Variants in MDGA2 observed in about 807,000 individuals in gnomAD.
MDGA2 encodes the protein MAM domain-containing glycosylphosphatidylinositol anchor protein 2.
MDGA2 carries 40 observed loss-of-function variants against 117.8 expected under a neutral mutation model. The observed-to-expected ratio is 0.34, with a 90% CI of 0.26 to 0.44. MDGA2 has a LOEUF of 0.44. Among genes scored for constraint, MDGA2 ranks in the 20% least tolerant of loss-of-function variants. The pLI is 1.00. For missense variants in MDGA2, 1,123 were observed against 1,250.6 expected (o/e 0.90, Z 1.54); for synonymous variants, 452 against 439.0 (o/e 1.03, Z -0.37).
intron 1 of MDGA2, among the ~76,000 whole-genome samples, chr14:47,363,784 G>A (rs1440005603): frequency 6.6e-6 from 1 of 151,998 alleles, no homozygotes; most frequent in Admixed American, 6.6e-5. Context: ...GGAAGGGAAG[G>A]AGAGAGAAAT....
chr14:47,256,438 G>A (rs761745414), intron 2 of MDGA2, among the ~76,000 whole-genome samples: 2 of 152,022 alleles, frequency 1.3e-5, no homozygotes, highest in African/African-American at 2.4e-5. Context: ...TCTTTCTCCT[G>A]TCTCACCCCA....
At chr14:47,410,022 T>C (rs1213284949) in intron 1 of MDGA2, among the ~76,000 whole-genome samples, 2 of 152,192 alleles carry the variant, frequency 1.3e-5, no homozygotes, top group African/African-American at 2.4e-5. Flanking sequence ...GCTATGAGAT[T>C]CATTTTTGTT....
intron 1 of MDGA2, among the ~76,000 whole-genome samples, chr14:47,450,048 T>C (rs573944409): frequency 1.4e-4 from 22 of 152,060 alleles, no homozygotes; most frequent in South Asian, 1.0e-3. Context: ...ATGTTTTCTA[T>C]ATATATATAG....
chr14:47,250,388 T>C (rs1206048937), intron 2 of MDGA2, among the ~76,000 whole-genome samples: 1 of 152,246 alleles, frequency 6.6e-6, no homozygotes, highest in Non-Finnish European at 1.5e-5. Context: ...TACTTATTTA[T>C]AATTTAATGA....
At chr14:46,918,984 A>C (rs112980776) in intron 10 of MDGA2, among the ~76,000 whole-genome samples, 35,775 of 151,770 alleles carry the variant, frequency 0.24, 5,049 homozygotes, top group Non-Finnish European at 0.31. Flanking sequence ...GGATGGTCTC[A>C]ATCTCCTGAC....
At chr14:46,895,742 A>G (rs1883051581) in intron 10 of MDGA2, among the ~76,000 whole-genome samples, 1 of 152,066 alleles carries the variant, frequency 6.6e-6, no homozygotes, top group African/African-American at 2.4e-5. Flanking sequence ...GAAAAAAAAA[A>G]AAGAATAACT....
intron 6 of MDGA2, among the ~76,000 whole-genome samples, chr14:47,095,360 G>C (rs768304876): frequency 6.6e-6 from 1 of 151,772 alleles, no homozygotes; most frequent in Non-Finnish European, 1.5e-5. Context: ...GAACAATATC[G>C]TATAGAAAAC....
At chr14:47,306,284 TTATTTTAA>T (rs1482092766) in intron 1 of MDGA2, 1 of 152,214 alleles carries the variant, frequency 6.6e-6, no homozygotes, top group Non-Finnish European at 1.5e-5. Context: ...TGACAATTTT[TTATTTTAA>T]TAGGAGATAG....
rs182648553 is a variant in MDGA2 at position 46,884,284 on chromosome 14, T to C, written c.2239-2063A>G. Among the ~76,000 whole-genome samples, 1 of 152,222 alleles carries C rather than the reference T, an allele frequency of 6.6e-6. No homozygotes were observed. The highest frequency in any genetic ancestry group is 6.6e-5 in the Admixed American group (1 of 15,252). On this transcript the variant is annotated intron_variant, in intron 10 of 16. Coordinates refer to ENST00000399232, the MANE Select transcript of MDGA2 (RefSeq NM_001113498.3). The surrounding 1 kb of genome is among the most constrained non-coding windows in gnomAD (Gnocchi z 4.1). ...GAATCAAAGTTCAAGTTTGTCTGGG[T>C]TGGCAAACAGCTGAGGGCAAAAGTA...
rs763293876 is a variant in MDGA2 at position 47,239,770 on chromosome 14, T to A, written c.421-21575A>T. 7.9e-5 allele frequency among the ~76,000 whole-genome samples: 12 copies of A among 151,946 alleles called. 1 individual carries two copies. The highest frequency in any genetic ancestry group is 1.5e-4 in the Non-Finnish European group (10 of 67,880). On this transcript the variant is annotated intron_variant, in intron 2 of 16. Coordinates refer to ENST00000399232, the MANE Select transcript of MDGA2 (RefSeq NM_001113498.3). ...TGAAAAGACACTATTTTAATAAATA[T>A]TTGATTGAATAAAAGTTATTTTCCT... is the stretch of plus-strand genomic sequence containing the variant.
chr14:47,343,535 A>C (rs1291945571), intron 1 of MDGA2, among the ~76,000 whole-genome samples: 1 of 151,976 alleles, frequency 6.6e-6, no homozygotes, highest in Non-Finnish European at 1.5e-5. Context: ...TTTTAGCTTT[A>C]TCTTCAGTTG....
chr14:46,930,891 A>C (rs1884544287), intron 9 of MDGA2, among the ~76,000 whole-genome samples: 1 of 152,068 alleles, frequency 6.6e-6, no homozygotes. Context: ...AAAGGAAATC[A>C]ATTGTACTTA....
chr14:47,159,272 G>A (rs1284214841), intron 3 of MDGA2, among the ~76,000 whole-genome samples: 1 of 152,150 alleles, frequency 6.6e-6, no homozygotes, highest in Non-Finnish European at 1.5e-5. Context: ...GGGAGGGGTT[G>A]TGCATGCATG....
At chr14:47,067,380 T>A (rs552106817) in intron 6 of MDGA2, among the ~76,000 whole-genome samples, 16 of 152,270 alleles carry the variant, frequency 1.1e-4, no homozygotes, top group Admixed American at 1.0e-3. Flanking sequence ...TAAAATTAGA[T>A]TCCATTCTTA....
At chr14:47,049,712 T>C (rs533354205) in intron 7 of MDGA2, among the ~76,000 whole-genome samples, 1 of 152,148 alleles carries the variant, frequency 6.6e-6, no homozygotes, top group South Asian at 2.1e-4. Context: ...GAGGGCTGAC[T>C]GTATTTCCTT....
intron 1 of MDGA2, among the ~76,000 whole-genome samples, chr14:47,518,363 T>C (rs1453271736): frequency 6.6e-6 from 1 of 152,118 alleles, no homozygotes; most frequent in Non-Finnish European, 1.5e-5. Context: ...AGATAAATAA[T>C]TTCTAAAAAA....
chr14:47,350,165 C>A (rs867911809), intron 1 of MDGA2, among the ~76,000 whole-genome samples: 1 of 152,144 alleles, frequency 6.6e-6, no homozygotes, highest in African/African-American at 2.4e-5. Context: ...CAGAATCTGC[C>A]TTCTTTTAAA....
chr14:47,214,078 C>A (rs1885994506), intron 3 of MDGA2, among the ~76,000 whole-genome samples: 1 of 152,066 alleles, frequency 6.6e-6, no homozygotes, highest in South Asian at 2.1e-4. Flanking sequence ...ACGAGAACTG[C>A]ATGGAAGAGA....
intron 1 of MDGA2, among the ~76,000 whole-genome samples, chr14:47,480,392 C>T (rs1056337734): frequency 2.6e-5 from 4 of 151,938 alleles, no homozygotes; most frequent in Non-Finnish European, 5.9e-5. Context: ...AGCAATAATA[C>T]TATAAAAGTA....
Sources: gnomAD v4.1 joint callset for allele counts (sites outside exome capture counted in the v4.1 genomes callset) on GRCh38, gnomAD v4.1.1 for gene constraint, Gnocchi (gnomAD v3.1) non-coding constraint, MANE v1.5 for transcripts, NCBI Gene and HGNC (gene_info 2026-07-23, HGNC 2026-07-21) for gene names.